UPRT: variants seen among roughly 807,000 people sequenced by gnomAD.
UPRT encodes the protein RP11-311P8.3.
Under a neutral mutation model 22.6 loss-of-function variants are expected in UPRT, and 5 were observed. The observed-to-expected ratio is 0.22, with a 90% CI of 0.12 to 0.47. UPRT has a LOEUF of 0.47. UPRT is among the 20% of genes least tolerant of loss of function. The pLI, the probability that UPRT is intolerant of heterozygous loss-of-function variation, is 0.99. For synonymous variants in UPRT, 77 were observed against 87.7 expected, an observed-to-expected ratio of 0.88 and a Z score of 0.68; for missense variants, 181 against 239.9, an observed-to-expected ratio of 0.75 and a Z score of 1.62.
At chrX:75,211,883 A>G (rs756785400) in intron 4 of UPRT, among the ~76,000 whole-genome samples, 19 of 111,418 alleles carry the variant, frequency 1.7e-4, no homozygotes, top group African/African-American at 5.2e-4. Context: ...AAGGTGGGGG[A>G]CCAGCTTAAT....
intron 4 of UPRT, among the ~76,000 whole-genome samples, chrX:75,174,262 A>G (rs1465663812): frequency 3.6e-5 from 4 of 111,792 alleles, no homozygotes; most frequent in Non-Finnish European, 1.9e-5. Context: ...GGGGCCCTGC[A>G]GTTGTAGTGT....
chrX:75,296,517 G>A, intron 3 of UPRT, 106 bp downstream of exon 3: 1 of 633,497 alleles, frequency 1.6e-6, no homozygotes, highest in Non-Finnish European at 2.4e-6. Context: ...CAAAATGAAG[G>A]GCTAGGTGGA....
intron 4 of UPRT, among the ~76,000 whole-genome samples, chrX:75,259,563 G>C (rs2082560989): frequency 9.2e-6 from 1 of 109,243 alleles, no homozygotes. Flanking sequence ...TCAGAGAAAA[G>C]AGAATGAAAA....
intron 1 of UPRT, among the ~76,000 whole-genome samples, chrX:75,292,383 C>T (rs1170687414): frequency 1.8e-5 from 2 of 111,659 alleles, no homozygotes; most frequent in Non-Finnish European, 3.8e-5. Context: ...ATAAACAACA[C>T]AGACCTATAT....
At chrX:75,233,235 A>G (rs1424144480) in intron 4 of UPRT, among the ~76,000 whole-genome samples, 2 of 110,202 alleles carry the variant, frequency 1.8e-5, no homozygotes, top group Non-Finnish European at 3.8e-5. Context: ...AAGTTTAGAG[A>G]AAAAAGAATA....
At chrX:75,217,022 G>C (rs1354240981) in intron 4 of UPRT, among the ~76,000 whole-genome samples, 2 of 111,838 alleles carry the variant, frequency 1.8e-5, no homozygotes, top group Non-Finnish European at 1.9e-5. Context: ...CCAAAGTGCT[G>C]GGTTACAGGC....
At chrX:75,263,977 C>A (rs1431350542) in intron 4 of UPRT, among the ~76,000 whole-genome samples, 1 of 110,305 alleles carries the variant, frequency 9.1e-6, no homozygotes, top group East Asian at 2.9e-4. Context: ...CGTTATGTAC[C>A]CAGTAGTCAT....
At chrX:75,270,820 G>A (rs1040150889), upstream of UPRT, among the ~76,000 whole-genome samples, 7 of 110,799 alleles carry the variant, frequency 6.3e-5, no homozygotes. Context: ...TGGGTTGATG[G>A]GTGCAGAAAA....
At chrX:75,230,556 A>G (rs2082435168) in intron 4 of UPRT, among the ~76,000 whole-genome samples, 1 of 111,991 alleles carries the variant, frequency 8.9e-6, no homozygotes, top group Non-Finnish European at 1.9e-5. Flanking sequence ...AGAAAACAAC[A>G]GCTCTTTTTA....
chrX:75,266,797 C>G (rs1016739056), intron 4 of UPRT, among the ~76,000 whole-genome samples: 2 of 111,460 alleles, frequency 1.8e-5, no homozygotes, highest in Admixed American at 9.5e-5. Flanking sequence ...AGACACTTCT[C>G]AAAAGAAGAC....
At chrX:75,167,412 G>A (rs1167883976) in intron 3 of UPRT, among the ~76,000 whole-genome samples, 2 of 111,583 alleles carry the variant, frequency 1.8e-5, no homozygotes, top group East Asian at 2.8e-4. Flanking sequence ...TGAATTGTAC[G>A]ACTTCAGAAT....
At chrX:75,294,688 C>T in intron 2 of UPRT, 1 of 698,321 alleles carries the variant, frequency 1.4e-6, no homozygotes, top group Non-Finnish European at 1.9e-6. Context: ...CAGTAATAAC[C>T]CTTAGATAGT....
intron 4 of UPRT, among the ~76,000 whole-genome samples, chrX:75,169,747 G>A (rs1402586564): frequency 2.7e-5 from 3 of 111,896 alleles, no homozygotes; most frequent in Non-Finnish European, 5.6e-5. Context: ...TGTATACTCT[G>A]TGGTTGTTAG....
At chrX:75,281,307 G>A (rs2082655666) in intron 1 of UPRT, among the ~76,000 whole-genome samples, 1 of 111,404 alleles carries the variant, frequency 9.0e-6, no homozygotes, top group Non-Finnish European at 1.9e-5. Flanking sequence ...CTATGTTGAA[G>A]AGGAATGGTG....
chrX:75,303,640 T>C lies in UPRT; in HGVS notation c.*129T>C. The C allele has an allele frequency of 2.0e-6, 1 of 500,559 alleles. No homozygotes were observed. The highest frequency in any genetic ancestry group is 3.2e-6 in the Non-Finnish European group (1 of 311,536). 41.3% of individuals were successfully genotyped at this position (500,559 alleles called of 1,213,427 possible). A position where few individuals can be genotyped will look rare whatever the true frequency, so the allele number is the denominator to read the frequency against. ...AATGCTTTTTAGTTTTGGAAGTGGG[T>C]ATATTTGAGGTTATATCTCATTTAG... On this transcript the variant is annotated 3_prime_UTR_variant, in exon 7 of 7. Transcript: ENST00000373383.
intron 4 of UPRT, among the ~76,000 whole-genome samples, chrX:75,248,294 G>T (rs1388814917): frequency 2.7e-5 from 3 of 111,282 alleles, no homozygotes; most frequent in African/African-American, 9.8e-5. Context: ...CAATGGCAAA[G>T]AAGATAAAAA....
chrX:75,156,899 T>TCACACACACACACACACA (rs753344635), intron 1 of UPRT, among the ~76,000 whole-genome samples: 2 of 99,547 alleles, frequency 2.0e-5, no homozygotes, highest in Non-Finnish European at 4.0e-5. Context: ...TGGGACAGTC[T>TCACACACACACACACACA]CACACACACA....
chrX:75,267,321 C>G (rs761499271), intron 4 of UPRT, among the ~76,000 whole-genome samples: 2 of 111,574 alleles, frequency 1.8e-5, no homozygotes, highest in South Asian at 3.8e-4. Flanking sequence ...CAAACTATCA[C>G]AAGGACACAA....
exon 2 of UPRT, among the ~76,000 whole-genome samples, chrX:75,160,671 G>A (rs981156060): frequency 9.0e-6 from 1 of 111,316 alleles, no homozygotes; most frequent in Non-Finnish European, 1.9e-5. Flanking sequence ...CTGGGACTAA[G>A]GTGTGTACGA....
Sources: gnomAD v4.1 joint callset for allele counts (sites outside exome capture counted in the v4.1 genomes callset) on GRCh38, gnomAD v4.1.1 for gene constraint, MANE v1.5 for transcripts, NCBI Gene and HGNC (gene_info 2026-07-23, HGNC 2026-07-21) for gene names.